DPYS: variants seen among roughly 807,000 people sequenced by gnomAD.
DPYS encodes the protein dihydropyrimidine amidohydrolase.
A neutral mutation model predicts 50.3 loss-of-function variants in DPYS; 39 were observed. The ratio of observed to expected loss-of-function variants is 0.78; its 90% CI spans 0.60 to 1.01. The LOEUF is 1.01. Ranked by LOEUF, DPYS falls within the 50% of genes least tolerant of loss-of-function variation. The pLI, the probability that DPYS is intolerant of heterozygous loss-of-function variation, is 0.00. For synonymous variants in DPYS, 245 were observed against 250.7 expected, an observed-to-expected ratio of 0.98 and a Z score of 0.22; for missense variants, 659 against 680.9, an observed-to-expected ratio of 0.97 and a Z score of 0.36.
intron 4 of DPYS, among the ~76,000 whole-genome samples, chr8:104,433,411 G>A (rs1373740194): frequency 6.6e-6 from 1 of 152,078 alleles, no homozygotes; most frequent in Non-Finnish European, 1.5e-5. Context: ...GTGTTCTGAT[G>A]TTCATATGCA....
chr8:104,453,307 T>G (rs1813816941), intron 1 of DPYS, among the ~76,000 whole-genome samples: 1 of 152,204 alleles, frequency 6.6e-6, no homozygotes, highest in Non-Finnish European at 1.5e-5. Context: ...ATTGATGTAA[T>G]GAAAATACTA....
intron 2 of DPYS, among the ~76,000 whole-genome samples, chr8:104,448,028 G>T (rs1285653086): frequency 6.6e-6 from 1 of 152,230 alleles, no homozygotes; most frequent in Non-Finnish European, 1.5e-5. Flanking sequence ...TGGTGGCATG[G>T]GACCCATTGG....
rs1028048044 is a variant in DPYS at position 104,424,356 on chromosome 8, C to A, written c.1126G>T (p.Ala376Ser). 3.1e-6 allele frequency: 5 copies of A among 1,613,782 alleles called. No homozygotes were observed. The highest frequency in any genetic ancestry group is 4.2e-6 in the Non-Finnish European group (5 of 1,179,986). The change falls in exon 7 of 10, where the codon GCA (alanine) becomes TCA (serine). Residue 376 changes from alanine to serine, a missense_variant. Transcript: ENST00000351513. ...TTGGCTGCATTTGTGCTGGTAACTGCCACAAATCTGTTTTCATCCATTTTA... is the reference window on the plus strand; with the variant it reads ...TTGGCTGCATTTGTGCTGGTAACTGACACAAATCTGTTTTCATCCATTTTA... ...SGKMDENRFV[A>S]VTSTNAAKIF... is the part of the protein sequence containing the mutation.
At chr8:104,449,337 G>A (rs1156411808) in intron 2 of DPYS, among the ~76,000 whole-genome samples, 1 of 152,194 alleles carries the variant, frequency 6.6e-6, no homozygotes, top group African/African-American at 2.4e-5. Flanking sequence ...GAGTAGAAGA[G>A]CCCTCATTAA....
chr8:104,444,249 A>C lies in DPYS; in HGVS notation c.792T>G (p.Asp264Glu). Reference protein sequence around the residue: ...AAKVIADARRDGKVVYGEPIA... With the variant: ...AAKVIADARREGKVVYGEPIA... ...AGTGAGGTTACATTCGAGAATTACC[A>C]TCTCTCCTTGCATCCGCTATCACCT... is the stretch of plus-strand genomic sequence containing the variant. The change falls in exon 4 of 10, where the codon GAT becomes GAG. Residue 264 changes from aspartate (D) to glutamate (E), a missense_variant and splice_region_variant. Coordinates refer to ENST00000351513, the MANE Select transcript of DPYS (RefSeq NM_001385.3). 6.2e-7 allele frequency: 1 copy of C among 1,614,214 alleles called. No homozygotes were observed. Among genetic ancestry groups the C allele is most frequent in the Non-Finnish European group, 8.5e-7 (1 of 1,180,044 alleles).
intron 7 of DPYS, among the ~76,000 whole-genome samples, chr8:104,423,611 T>C (rs1362422354): frequency 6.6e-6 from 1 of 152,194 alleles, no homozygotes; most frequent in Admixed American, 6.5e-5. Context: ...GCAAAATTTA[T>C]GAAAAACACA....
At chr8:104,463,251 AATGT>A (rs1328633429) in intron 1 of DPYS, among the ~76,000 whole-genome samples, 2 of 152,208 alleles carry the variant, frequency 1.3e-5, no homozygotes, top group African/African-American at 2.4e-5. Flanking sequence ...TATGGCTATA[AATGT>A]ATGTATTATA....
At chr8:104,402,952 T>C (rs557056404) in intron 7 of DPYS, among the ~76,000 whole-genome samples, 2 of 152,316 alleles carry the variant, frequency 1.3e-5, no homozygotes, top group African/African-American at 4.8e-5. Context: ...GCCAATCATC[T>C]ATCGCCTGAG....
rs375675761 is a variant in DPYS at position 104,449,689 on chromosome 8, G to A, written c.423+1557C>T. On this transcript the variant is annotated intron_variant, in intron 2 of 9. Coordinates refer to ENST00000351513, the MANE Select transcript of DPYS (RefSeq NM_001385.3). ...TGGAAACTGGGATGCAGACCTCCACGGGGAGAACATCATATGAAGATGAAG... is the reference window on the plus strand; with the variant it reads ...TGGAAACTGGGATGCAGACCTCCACAGGGAGAACATCATATGAAGATGAAG... Among the ~76,000 whole-genome samples, 10 of 152,296 alleles carry A rather than the reference G, an allele frequency of 6.6e-5. No individual in the cohort carries two copies. The East Asian group carries it at 1.9e-3, about 29-fold the overall frequency.
chr8:104,380,134 A>G (rs1393729761), intron 9 of DPYS, among the ~76,000 whole-genome samples: 1 of 152,180 alleles, frequency 6.6e-6, no homozygotes, highest in Non-Finnish European at 1.5e-5. Context: ...AACATTCAAT[A>G]ATGAAAGAAC....
chr8:104,384,928 T>C (rs1811164163), intron 8 of DPYS, among the ~76,000 whole-genome samples: 1 of 152,212 alleles, frequency 6.6e-6, no homozygotes, highest in Non-Finnish European at 1.5e-5. Context: ...CAGACTCCAC[T>C]GATGCTTGCT....
intron 6 of DPYS, among the ~76,000 whole-genome samples, chr8:104,426,937 C>T (rs761875262): frequency 1.3e-5 from 2 of 152,160 alleles, no homozygotes; most frequent in South Asian, 2.1e-4. Flanking sequence ...CGGTGGCTCA[C>T]GCCTGTCAAT....
intron 8 of DPYS, among the ~76,000 whole-genome samples, chr8:104,388,792 T>C (rs1811296465): frequency 1.3e-5 from 2 of 152,186 alleles, no homozygotes; most frequent in African/African-American, 4.8e-5. Context: ...GTCTTCTCTT[T>C]CCTTTGAAAT....
At chr8:104,426,381 A>C (rs984497568) in intron 6 of DPYS, among the ~76,000 whole-genome samples, 16 of 152,246 alleles carry the variant, frequency 1.1e-4, no homozygotes, top group African/African-American at 3.4e-4. Flanking sequence ...GAGTTCTTGT[A>C]CTGGAGTAAA....
At chr8:104,406,102 C>T (rs112731821) in intron 7 of DPYS, among the ~76,000 whole-genome samples, 2,454 of 152,298 alleles carry the variant, frequency 0.016, 60 homozygotes, top group African/African-American at 0.056. Flanking sequence ...CAAACCTGGG[C>T]AGTCAGGCTC....
At chr8:104,447,793 C>G (rs912710802) in intron 2 of DPYS, among the ~76,000 whole-genome samples, 2 of 152,200 alleles carry the variant, frequency 1.3e-5, no homozygotes, top group Non-Finnish European at 2.9e-5. Flanking sequence ...CTGCATCTAT[C>G]TCCCGATTTG....
At chr8:104,430,008 C>A (rs1303763613) in intron 4 of DPYS, among the ~76,000 whole-genome samples, 1 of 152,106 alleles carries the variant, frequency 6.6e-6, no homozygotes, top group African/African-American at 2.4e-5. Flanking sequence ...CAAAACCCTA[C>A]CAGATAAATG....
intron 7 of DPYS, among the ~76,000 whole-genome samples, chr8:104,402,219 CA>C (rs1811841160): frequency 6.6e-6 from 1 of 152,130 alleles, no homozygotes; most frequent in African/African-American, 2.4e-5. Context: ...ACTGAGCAAA[CA>C]GAGGTATTTT....
In DPYS at chr8:104,461,291, CAATAAAATAA is replaced by C. The variant is rs5893688; in HGVS notation, c.264+5356_264+5365del. Among the ~76,000 whole-genome samples the C allele has an allele frequency of 6.8e-3, 747 of 110,264 alleles. 9 individuals are homozygous for C. The highest frequency in any genetic ancestry group is 0.023 in the African/African-American group (647 of 27,844). 72.3% of individuals were successfully genotyped at this position (110,264 alleles called of 152,430 possible). ...CAGGTGAGAGAGTGAGACCCTGTCT[CAATAAAATAA>C]AATAAAATAAAATAAAATAAAATAA... On this transcript the variant is annotated intron_variant, in intron 1 of 9. Transcript: ENST00000351513.
Sources: allele counts gnomAD v4.1 joint callset (sites outside exome capture counted in the v4.1 genomes callset), GRCh38; gene constraint gnomAD v4.1.1; transcripts MANE v1.5; gene names NCBI Gene and HGNC (gene_info 2026-07-23, HGNC 2026-07-21).